The following PTN variants were observed in gnomAD, a reference collection of about 807,000 sequenced individuals.
The protein encoded by PTN is pleiotrophin, also known as heparin affin regulatory protein.
Under a neutral mutation model 24.1 loss-of-function variants are expected in PTN, and 18 were observed. That is an observed-to-expected ratio of 0.75 (90% CI 0.52 to 1.11). The LOEUF (loss-of-function observed/expected upper bound fraction) is 1.11. PTN is among the 50% of genes least tolerant of loss of function. The pLI is 0.00. For missense variants in PTN, 163 were observed against 198.8 expected (o/e 0.82, Z 1.08); for synonymous variants, 78 against 68.6 (o/e 1.14, Z -0.67).
In PTN at chr7:137,294,710, T is replaced by C. The variant is rs534377308; in HGVS notation, c.-1-39736A>G. Among the ~76,000 whole-genome samples, 10 of 152,212 alleles carry C rather than the reference T, an allele frequency of 6.6e-5. No homozygotes were observed. The South Asian group carries it at 2.1e-3, about 32-fold the overall frequency. On this transcript the variant is annotated intron_variant, in intron 1 of 4. Coordinates refer to ENST00000348225, the MANE Select transcript of PTN (RefSeq NM_002825.7). ...CCTCAGTGCTTCTAGCTACGTATCC[T>C]TGTGGCATGTGTATTTGTACATTTG...
chr7:137,331,114 C>A lies in PTN; in HGVS notation c.-2+12325G>T, dbSNP rs562883621. ...GTCTTATTGGTCTTGCTGCCTTTGA[C>A]ATAAAGGGCTTCCATTTAACATCTT... On this transcript the variant is annotated intron_variant, in intron 1 of 4. Coordinates refer to ENST00000348225, the MANE Select transcript of PTN (RefSeq NM_002825.7). Among the ~76,000 whole-genome samples, 5 of 152,244 alleles carry A rather than the reference C, an allele frequency of 3.3e-5. No individual in the cohort carries two copies. The South Asian group carries it at 1.0e-3, about 32-fold the overall frequency.
At chr7:137,319,770 C>T (rs960254868) in intron 1 of PTN, among the ~76,000 whole-genome samples, 1 of 152,172 alleles carries the variant, frequency 6.6e-6, no homozygotes, top group Non-Finnish European at 1.5e-5. Flanking sequence ...ATGGGCTGGG[C>T]GGGTACCTGC....
At chr7:137,253,882 C>CT (rs1325256066) in intron 2 of PTN, among the ~76,000 whole-genome samples, 2 of 152,198 alleles carry the variant, frequency 1.3e-5, no homozygotes, top group African/African-American at 4.8e-5. Context: ...CTCCCTCTTA[C>CT]TATGTGCCAG....
chr7:137,244,374 A>ATT (rs1242182641), intron 4 of PTN, among the ~76,000 whole-genome samples: 141 of 131,146 alleles, frequency 1.1e-3, no homozygotes, highest in African/African-American at 3.7e-3. Context: ...TCTCCTCAGA[A>ATT]TTTTTTTTTT....
intron 1 of PTN, among the ~76,000 whole-genome samples, chr7:137,341,088 A>G (rs923998544): frequency 2.0e-5 from 3 of 152,242 alleles, no homozygotes; most frequent in African/African-American, 7.2e-5. Context: ...CATGACAAAT[A>G]GGAATATGGT....
intron 4 of PTN, among the ~76,000 whole-genome samples, chr7:137,229,888 A>G (rs748142992): frequency 2.0e-5 from 3 of 151,676 alleles, no homozygotes; most frequent in Non-Finnish European, 4.4e-5. Flanking sequence ...ATAATTCCCA[A>G]TTTTTGGTCA....
intron 1 of PTN, among the ~76,000 whole-genome samples, chr7:137,329,998 G>A (rs897390634): frequency 6.6e-6 from 1 of 152,120 alleles, no homozygotes; most frequent in Non-Finnish European, 1.5e-5. Context: ...TGAAAATAAT[G>A]CCAGTTGGTC....
At chr7:137,264,799 G>T (rs1255473848) in intron 1 of PTN, among the ~76,000 whole-genome samples, 1 of 152,154 alleles carries the variant, frequency 6.6e-6, no homozygotes, top group African/African-American at 2.4e-5. Flanking sequence ...AGCATGGGGG[G>T]ACTTTAGGTT....
At chr7:137,279,320 A>C (rs183628863) in intron 1 of PTN, among the ~76,000 whole-genome samples, 8 of 152,342 alleles carry the variant, frequency 5.3e-5, no homozygotes, top group African/African-American at 1.9e-4. Context: ...TCGCATGGTC[A>C]TCTAATCAGT....
At chr7:137,302,495 G>A (rs1042307808) in intron 1 of PTN, among the ~76,000 whole-genome samples, 4 of 151,984 alleles carry the variant, frequency 2.6e-5, no homozygotes, top group African/African-American at 9.7e-5. Flanking sequence ...AAGGAATTCA[G>A]AAATGGATGC....
At chr7:137,253,814 T>C (rs1808870931) in intron 2 of PTN, among the ~76,000 whole-genome samples, 177 bp from the exon 3 acceptor site, 1 of 152,168 alleles carries the variant, frequency 6.6e-6, no homozygotes, top group Admixed American at 6.5e-5. Flanking sequence ...AACCAATGAA[T>C]GATCAAGAGA....
chr7:137,286,326 C>A (rs907287800), intron 1 of PTN, among the ~76,000 whole-genome samples: 4 of 152,118 alleles, frequency 2.6e-5, no homozygotes, highest in East Asian at 1.9e-4. Flanking sequence ...AAGGCATGAA[C>A]CCTTAGCTCT....
intron 1 of PTN, among the ~76,000 whole-genome samples, chr7:137,257,403 C>T (rs1324772142): frequency 6.6e-6 from 1 of 152,208 alleles, no homozygotes; most frequent in Non-Finnish European, 1.5e-5. Flanking sequence ...TTTTCCTGCG[C>T]TTTTAATTGG....
At chr7:137,291,545 A>G (rs142254663) in intron 1 of PTN, among the ~76,000 whole-genome samples, 15 of 152,200 alleles carry the variant, frequency 9.9e-5, no homozygotes, top group African/African-American at 3.6e-4. Context: ...TTGGGCATCT[A>G]CAGCTTTACT....
intron 1 of PTN, among the ~76,000 whole-genome samples, chr7:137,288,756 C>A (rs1809596451): frequency 6.6e-6 from 1 of 152,044 alleles, no homozygotes; most frequent in Admixed American, 6.6e-5. Context: ...TATTATTCCT[C>A]AAGAAAACTA....
At chr7:137,239,374 T>TTTTTTTTATTTA (rs968596375) in intron 4 of PTN, among the ~76,000 whole-genome samples, 4 of 147,760 alleles carry the variant, frequency 2.7e-5, no homozygotes, top group African/African-American at 1.0e-4. Context: ...TAATTTTCTT[T>TTTTTTTTATTTA]TTTATTTATT....
intron 4 of PTN, among the ~76,000 whole-genome samples, chr7:137,237,247 T>C (rs551964749): frequency 6.6e-6 from 1 of 152,136 alleles, no homozygotes; most frequent in East Asian, 1.9e-4. Context: ...CAGACACATA[T>C]AGTGAGGACA....
chr7:137,255,506 ATT>A (rs1232859424), intron 1 of PTN, among the ~76,000 whole-genome samples: 1 of 152,242 alleles, frequency 6.6e-6, no homozygotes, highest in African/African-American at 2.4e-5. Flanking sequence ...TTTTAAAATC[ATT>A]GTCATAATCA....
In PTN at chr7:137,256,016, T is replaced by C. The variant is rs188989616; in HGVS notation, c.-1-1042A>G. 7.2e-5 allele frequency among the ~76,000 whole-genome samples: 11 copies of C among 152,332 alleles called. No individual in the cohort carries two copies. In the East Asian group the frequency reaches 2.1e-3, roughly 29 times the overall value. ...CTAGATTAGTTTAGGTGTTTCAACATTCTCTTTAGTGTGAACAATAAAACG... is the reference window on the plus strand; with the variant it reads ...CTAGATTAGTTTAGGTGTTTCAACACTCTCTTTAGTGTGAACAATAAAACG... On this transcript the variant is annotated intron_variant, in intron 1 of 4. Coordinates refer to ENST00000348225, the MANE Select transcript of PTN (RefSeq NM_002825.7).
Sources: gnomAD v4.1 joint callset for allele counts (sites outside exome capture counted in the v4.1 genomes callset) on GRCh38, gnomAD v4.1.1 for gene constraint, MANE v1.5 for transcripts, NCBI Gene and HGNC (gene_info 2026-07-23, HGNC 2026-07-21) for gene names.